The following VAV1 variants were observed in gnomAD, a reference collection of about 807,000 sequenced individuals.
The protein encoded by VAV1 is proto-oncogene vav.
VAV1 carries 33 observed loss-of-function variants against 128.1 expected under a neutral mutation model. The ratio of observed to expected loss-of-function variants is 0.26; its 90% CI spans 0.20 to 0.34. The LOEUF (loss-of-function observed/expected upper bound fraction) is 0.34, where lower values mean the gene tolerates loss of function less well. Ranked by LOEUF, VAV1 falls within the 10% of genes least tolerant of loss-of-function variation. The pLI is 1.00. For synonymous variants in VAV1, 394 were observed against 409.8 expected (o/e 0.96, Z 0.47); for missense variants, 715 against 1,093.7 (o/e 0.65, Z 4.88).
Position 6,820,791 on chromosome 19 carries a change from C to A in VAV1, c.294C>A (p.Asp98Glu). The A allele has an allele frequency of 6.2e-7, 1 of 1,614,222 alleles. No individual in the cohort carries two copies. The highest frequency in any genetic ancestry group is 8.5e-7 in the Non-Finnish European group (1 of 1,180,036). Residue 98 changes from aspartate (D) to glutamate (E), a missense_variant, in exon 2 of 27, where the codon GAC becomes GAA. By Grantham distance (45) the Asp-to-Glu change is conservative. Transcript: ENST00000602142. The surrounding 1 kb of genome is among the most constrained non-coding windows in gnomAD (Gnocchi z 4.4). ...GGAGCGAGCTCTTCGAAGCCTTTGACCTCTTCGATGTGCAGGATTTTGGCA... is the reference window on the plus strand; with the variant it reads ...GGAGCGAGCTCTTCGAAGCCTTTGAACTCTTCGATGTGCAGGATTTTGGCA... ...LKRSELFEAF[D>E]LFDVQDFGKV...
At chr19:6,829,674 G>T in intron 13 of VAV1, 112 bp from the exon 14 acceptor site, 1 of 1,529,430 alleles carries the variant, frequency 6.5e-7, no homozygotes, top group Non-Finnish European at 8.9e-7. Flanking sequence ...GGCCAAGTTG[G>T]CCAAGGAGGA....
chr19:6,829,015 C>G (rs1196968386), intron 13 of VAV1, 115 bp downstream of exon 13: 7 of 1,162,858 alleles, frequency 6.0e-6, no homozygotes, highest in Admixed American at 2.4e-5. Flanking sequence ...TGGGCAGGGG[C>G]GGGGCCGGGC....
At chr19:6,786,660 A>G (rs952623535) in intron 1 of VAV1, among the ~76,000 whole-genome samples, 2 of 151,918 alleles carry the variant, frequency 1.3e-5, no homozygotes, top group African/African-American at 4.8e-5. Context: ...GTGTGCGCCT[A>G]TAGTCCCAGC....
In VAV1 at chr19:6,825,296, C is replaced by T. The variant is rs2288545; in HGVS notation, c.724-7C>T. The stretch of plus-strand genomic sequence containing the variant: ...TGGTCCCAGCCCTCACCCTTCCCTC[C>T]GAGTAGGACCTGCTTCGTGTTCATA... On this transcript the variant is annotated splice_polypyrimidine_tract_variant and splice_region_variant and intron_variant, in intron 7 of 26. Coordinates refer to ENST00000602142, the MANE Select transcript of VAV1 (RefSeq NM_005428.4). 0.011 allele frequency: 18,043 copies of T among 1,609,176 alleles called. 1,098 individuals carry two copies. The East Asian group carries it at 0.14, about 13-fold the overall frequency.
chr19:6,783,548 C>T (rs1970815544), intron 1 of VAV1, among the ~76,000 whole-genome samples: 1 of 140,460 alleles, frequency 7.1e-6, no homozygotes, highest in Admixed American at 7.7e-5. Context: ...GATCTCTGTT[C>T]AGTGCATCAC....
At chr19:6,824,414 A>G (rs1390170513) in intron 6 of VAV1, among the ~76,000 whole-genome samples, 1 of 152,090 alleles carries the variant, frequency 6.6e-6, no homozygotes, top group African/African-American at 2.4e-5. Flanking sequence ...TGTGGTTTAT[A>G]TGTGTCTGGC....
intron 1 of VAV1, among the ~76,000 whole-genome samples, chr19:6,781,095 G>T (rs1193631846): frequency 6.6e-6 from 1 of 151,610 alleles, no homozygotes; most frequent in Non-Finnish European, 1.5e-5. Context: ...AGAGATGGGG[G>T]TCTCACCATG....
rs1971753333 is a variant in VAV1, at chr19:6,820,368, CA to C, written c.205-330del. Among the ~76,000 whole-genome samples the C allele has an allele frequency of 6.6e-6, 1 of 152,142 alleles. No individual in the cohort carries two copies. The highest frequency in any genetic ancestry group is 2.4e-5 in the African/African-American group (1 of 41,412). On this transcript the variant is annotated intron_variant, in intron 1 of 26. Coordinates refer to ENST00000602142, the MANE Select transcript of VAV1 (RefSeq NM_005428.4). The surrounding 1 kb of genome is among the most constrained non-coding windows in gnomAD (Gnocchi z 4.4). ...ACTCATCTCCGCCTCCTGAGTAGTTCAAAATGTTTTTCAGGTCATCCACATT... is the reference window on the plus strand; with the variant it reads ...ACTCATCTCCGCCTCCTGAGTAGTTCAAATGTTTTTCAGGTCATCCACATT...
intron 16 of VAV1, 23 bp from the exon 17 acceptor site, chr19:6,833,505 T>C: frequency 6.3e-7 from 1 of 1,577,192 alleles, no homozygotes. Flanking sequence ...CTCGCTCTTC[T>C]TTATGTGTTC....
At chr19:6,784,691 A>G (rs1374671224) in intron 1 of VAV1, among the ~76,000 whole-genome samples, 3 of 151,878 alleles carry the variant, frequency 2.0e-5, no homozygotes, top group Non-Finnish European at 4.4e-5. Context: ...ACGGGGTTTC[A>G]CCATGTTGGC....
chr19:6,846,659 A>G (rs1972529794), intron 22 of VAV1, among the ~76,000 whole-genome samples: 1 of 148,596 alleles, frequency 6.7e-6, no homozygotes, highest in African/African-American at 2.4e-5. Flanking sequence ...ATGTTATACC[A>G]TATATTATAC....
chr19:6,820,198 AG>A lies in VAV1; in HGVS notation c.205-503del, dbSNP rs1161239418. On this transcript the variant is annotated intron_variant, in intron 1 of 26. Transcript: ENST00000602142. The surrounding 1 kb of genome is among the most constrained non-coding windows in gnomAD (Gnocchi z 4.4). Reference sequence around the variant, plus strand: ...GCTGGGTGTTGCGACACATGACTGAAGTCCTAGCTACCTGGGAGGTGGAGGC... The same window carrying A: ...GCTGGGTGTTGCGACACATGACTGAATCCTAGCTACCTGGGAGGTGGAGGC... Among the ~76,000 whole-genome samples, 1 of 152,126 alleles carries A rather than the reference AG, an allele frequency of 6.6e-6. No homozygotes were observed. The highest frequency in any genetic ancestry group is 1.5e-5 in the Non-Finnish European group (1 of 68,024).
intron 1 of VAV1, among the ~76,000 whole-genome samples, chr19:6,803,972 TC>T (rs1269928370): frequency 3.9e-5 from 6 of 151,914 alleles, no homozygotes; most frequent in Non-Finnish European, 1.5e-5. Context: ...AAGAAGCCAG[TC>T]CCAAAAGGCT....
intron 1 of VAV1, among the ~76,000 whole-genome samples, chr19:6,773,435 C>T (rs1364970264): frequency 1.3e-5 from 2 of 152,194 alleles, no homozygotes; most frequent in Admixed American, 6.5e-5. Context: ...GGAGCCTCCG[C>T]CAACATCTTC....
intron 24 of VAV1, among the ~76,000 whole-genome samples, chr19:6,852,724 G>T (rs28571162): frequency 7.1e-6 from 1 of 141,818 alleles, no homozygotes; most frequent in Admixed American, 7.1e-5. Flanking sequence ...CCGTCTCAAA[G>T]AAAAAAAAAA....
chr19:6,833,765 C>G, intron 18 of VAV1, 32 bp downstream of exon 18: 2 of 1,614,012 alleles, frequency 1.2e-6, no homozygotes, highest in Non-Finnish European at 8.5e-7. Flanking sequence ...TCCTGTGTAC[C>G]ACAAATAATG....
At chr19:6,833,367 C>G (rs1972136150) in intron 16 of VAV1, 82 bp downstream of exon 16, 1 of 1,464,960 alleles carries the variant, frequency 6.8e-7, no homozygotes, top group Non-Finnish European at 9.3e-7. Flanking sequence ...TAATTGGTTC[C>G]CTAAATTGGG....
At chr19:6,856,985 C>A (rs751745817) in intron 26 of VAV1, 69 bp from the exon 27 acceptor site, 3 of 1,462,042 alleles carry the variant, frequency 2.1e-6, no homozygotes, top group Non-Finnish European at 2.9e-6. Context: ...AGGGAGCCTG[C>A]CTGGTGTGTG....
At chr19:6,851,328 A>G (rs1568319758) in intron 24 of VAV1, among the ~76,000 whole-genome samples, 1 of 151,858 alleles carries the variant, frequency 6.6e-6, no homozygotes, top group Non-Finnish European at 1.5e-5. Context: ...ATGCACCATC[A>G]TGCCTGGCTA....
Sources: allele counts gnomAD v4.1 joint callset (sites outside exome capture counted in the v4.1 genomes callset), GRCh38; gene constraint gnomAD v4.1.1; non-coding constraint Gnocchi (gnomAD v3.1); transcripts MANE v1.5; gene names NCBI Gene and HGNC (gene_info 2026-07-23, HGNC 2026-07-21).